PTPRO: variants seen among roughly 807,000 people sequenced by gnomAD.
The protein encoded by PTPRO is protein tyrosine phosphatase receptor type O.
PTPRO carries 62 observed loss-of-function variants against 145.2 expected under a neutral mutation model. The observed-to-expected ratio is 0.43, with a 90% CI of 0.35 to 0.53. The LOEUF (loss-of-function observed/expected upper bound fraction) is 0.53, where lower values mean the gene tolerates loss of function less well. Ranked by LOEUF, PTPRO falls within the 20% of genes least tolerant of loss-of-function variation. The pLI, the probability that PTPRO is intolerant of heterozygous loss-of-function variation, is 0.01. For missense variants in PTPRO, 1,345 were observed against 1,482.7 expected (o/e 0.91, Z 1.53); for synonymous variants, 565 against 514.7 (o/e 1.10, Z -1.32).
At chr12:15,360,888 A>ATG (rs1404935407) in intron 1 of PTPRO, among the ~76,000 whole-genome samples, 9 of 130,808 alleles carry the variant, frequency 6.9e-5, no homozygotes, top group Non-Finnish European at 8.5e-5. Context: ...ACACATACAC[A>ATG]TGTGTATATA....
In PTPRO at chr12:15,594,993, G is replaced by T; in HGVS notation, c.3603G>T (p.Gln1201His). ...CVQLMWMKKK[Q>H]QFCISDVIYE... ...AACTGATGTGGATGAAGAAGAAGCA[G>T]CAGTTCTGCATCAGTGATGTCATAT... Residue 1201 changes from glutamine to histidine, a missense_variant, in exon 26 of 27, where the codon CAG becomes CAT. By Grantham distance (24) the Gln-to-His change is conservative. This residue lies in a region of PTPRO where 208 missense variants were observed against 242.8 expected (regional missense o/e 0.86). Transcript: ENST00000281171. 6.2e-7 allele frequency: 1 copy of T among 1,613,922 alleles called. No individual in the cohort carries two copies. The highest frequency in any genetic ancestry group is 1.1e-5 in the South Asian group (1 of 91,078).
At chr12:15,566,403 A>C (rs1943899674) in intron 18 of PTPRO, among the ~76,000 whole-genome samples, 1 of 152,246 alleles carries the variant, frequency 6.6e-6, no homozygotes, top group Non-Finnish European at 1.5e-5. Flanking sequence ...ATCCAAAAGA[A>C]AAGTTGATGT....
intron 1 of PTPRO, among the ~76,000 whole-genome samples, chr12:15,367,239 C>T (rs1938390757): frequency 6.6e-6 from 1 of 152,094 alleles, no homozygotes; most frequent in Non-Finnish European, 1.5e-5. Context: ...AATCAAATAG[C>T]AGTGCAAGAT....
intron 6 of PTPRO, among the ~76,000 whole-genome samples, chr12:15,505,963 C>T (rs1424928569): frequency 6.6e-6 from 1 of 152,146 alleles, no homozygotes; most frequent in African/African-American, 2.4e-5. Context: ...TTTTATTACC[C>T]CCATTTTTCA....
chr12:15,459,365 A>G (rs1472079161), intron 1 of PTPRO, among the ~76,000 whole-genome samples: 1 of 152,202 alleles, frequency 6.6e-6, no homozygotes, highest in Non-Finnish European at 1.5e-5. Flanking sequence ...CAGGTGAGAC[A>G]GAAGTCAGAT....
intron 8 of PTPRO, 22 bp from the exon 9 acceptor site, chr12:15,516,740 AC>A (rs768842985): frequency 1.3e-6 from 2 of 1,570,546 alleles, no homozygotes; most frequent in South Asian, 1.1e-5. Flanking sequence ...TTCTTTTTCT[AC>A]CCCCTGCCCT....
intron 19 of PTPRO, among the ~76,000 whole-genome samples, chr12:15,578,546 G>C (rs756138088): frequency 6.6e-6 from 1 of 152,210 alleles, no homozygotes; most frequent in African/African-American, 2.4e-5. Context: ...AGTCAGGTCT[G>C]CCCTATGTGC....
chr12:15,440,850 T>C (rs1940745362), intron 1 of PTPRO, among the ~76,000 whole-genome samples: 1 of 152,200 alleles, frequency 6.6e-6, no homozygotes, highest in South Asian at 2.1e-4. Context: ...TATGTATGCA[T>C]CAACTTTGGA....
At chr12:15,426,362 G>A (rs1940285911) in intron 1 of PTPRO, among the ~76,000 whole-genome samples, 1 of 151,808 alleles carries the variant, frequency 6.6e-6, no homozygotes, top group African/African-American at 2.4e-5. Context: ...AAAATTGTTA[G>A]CTTTATCTCT....
chr12:15,344,796 T>TC (rs1867139435), intron 1 of PTPRO, among the ~76,000 whole-genome samples: 1 of 152,124 alleles, frequency 6.6e-6, no homozygotes, highest in South Asian at 2.1e-4. Flanking sequence ...CATGGCACCA[T>TC]CCCTCCATGA....
At chr12:15,498,853 A>G (rs917741129) in intron 3 of PTPRO, among the ~76,000 whole-genome samples, 7 of 152,206 alleles carry the variant, frequency 4.6e-5, no homozygotes, top group Non-Finnish European at 1.0e-4. Context: ...TTAGATTTCA[A>G]TTCAATAAGT....
rs1276096180 is a variant in PTPRO, at chr12:15,416,510, G to A, written c.76-67464G>A. On this transcript the variant is annotated intron_variant, in intron 1 of 26. Transcript: ENST00000281171. Reference sequence around the variant, plus strand: ...AATTTTTTATATTTTTAGTAGAGACGGGGTTTCACCATGTTAGCCAGGATG... The same window carrying A: ...AATTTTTTATATTTTTAGTAGAGACAGGGTTTCACCATGTTAGCCAGGATG... Among the ~76,000 whole-genome samples the A allele has an allele frequency of 8.6e-5, 13 of 151,148 alleles. 1 individual carries two copies. The highest frequency in any genetic ancestry group is 4.2e-4 in the South Asian group (2 of 4,790).
Position 15,415,676 on chromosome 12 carries a change from T to C in PTPRO, c.76-68298T>C, listed in dbSNP as rs143523591. Among the ~76,000 whole-genome samples, 1,042 of 151,898 alleles carry C rather than the reference T, an allele frequency of 6.9e-3. 45 individuals carry two copies. Among genetic ancestry groups the C allele is most frequent in the African/African-American group, 0.022 (913 of 41,136 alleles). On this transcript the variant is annotated intron_variant, in intron 1 of 26. Transcript: ENST00000281171. ...CTGGGATTACAGGCGTGAGCCACTG[T>C]GCCCGGCCTATGTGAAATGAATTTA... is the stretch of plus-strand genomic sequence containing the variant.
chr12:15,366,502 T>TC (rs2136250761), intron 1 of PTPRO, among the ~76,000 whole-genome samples: 1 of 152,320 alleles, frequency 6.6e-6, no homozygotes, highest in African/African-American at 2.4e-5. Flanking sequence ...ATTCCATTTT[T>TC]CTTAATGCAT....
chr12:15,553,128 T>C (rs1428719886), intron 15 of PTPRO, among the ~76,000 whole-genome samples: 1 of 152,118 alleles, frequency 6.6e-6, no homozygotes, highest in Non-Finnish European at 1.5e-5. Flanking sequence ...GACTTCCAAC[T>C]TGCGTGAATT....
intron 4 of PTPRO, 24 bp downstream of exon 4, chr12:15,499,618 A>G (rs1366168372): frequency 1.9e-6 from 3 of 1,602,954 alleles, no homozygotes; most frequent in Non-Finnish European, 2.6e-6. Flanking sequence ...AGAATCAAAT[A>G]CAGTGAAAAA....
chr12:15,569,273 C>CAAA, intron 18 of PTPRO, 144 bp from the exon 19 acceptor site: 1 of 579,808 alleles, frequency 1.7e-6, no homozygotes, highest in Non-Finnish European at 2.9e-6. Flanking sequence ...TAACTTGAAC[C>CAAA]AAAAAAAAAA....
At chr12:15,581,641 C>A in intron 22 of PTPRO, 38 bp from the exon 23 acceptor site, 1 of 1,608,660 alleles carries the variant, frequency 6.2e-7, no homozygotes, top group Non-Finnish European at 8.5e-7. Flanking sequence ...CCTTTCCTAG[C>A]CTGTTTGTTT....
At chr12:15,425,824 T>C (rs1414969664) in intron 1 of PTPRO, among the ~76,000 whole-genome samples, 1 of 152,070 alleles carries the variant, frequency 6.6e-6, no homozygotes, top group Non-Finnish European at 1.5e-5. Flanking sequence ...TTACTGTTAC[T>C]TTTTAGCATT....
Sources: gnomAD v4.1 joint callset for allele counts (sites outside exome capture counted in the v4.1 genomes callset) on GRCh38, gnomAD v4.1.1 for gene constraint, gnomAD v4.1.1 regional missense constraint, MANE v1.5 for transcripts, NCBI Gene and HGNC (gene_info 2026-07-23, HGNC 2026-07-21) for gene names.